LIMK1: variants seen among roughly 807,000 people sequenced by gnomAD.
LIMK1 encodes the protein LIM motif-containing protein kinase.
LIMK1 carries 21 observed loss-of-function variants against 77.6 expected under a neutral mutation model. The ratio of observed to expected loss-of-function variants is 0.27; its 90% confidence interval spans 0.19 to 0.39. The LOEUF is 0.39. LIMK1 is among the 10% of genes least tolerant of loss of function. LIMK1 has a pLI of 1.00. For synonymous variants in LIMK1, 358 were observed against 370.0 expected (o/e 0.97, Z 0.37); for missense variants, 696 against 901.6 (o/e 0.77, Z 2.92).
rs116341069 is a variant in LIMK1 at position 74,097,072 on chromosome 7, C to T, written c.292-8C>T. ...AGCTGGGCTGTTCCCTCCTCACCCC[C>T]GCACCAGGTGGCTGGGGAGCTGAAG... On this transcript the variant is annotated splice_region_variant and splice_polypyrimidine_tract_variant and intron_variant, in intron 3 of 15. Transcript: ENST00000336180. The T allele has an allele frequency of 8.7e-6, 14 of 1,600,786 alleles. No individual in the cohort carries two copies. The highest frequency in any genetic ancestry group is 2.2e-5 in the East Asian group (1 of 44,806).
chr7:74,091,602 G>A (rs1554694796), intron 2 of LIMK1, among the ~76,000 whole-genome samples: 1 of 152,204 alleles, frequency 6.6e-6, no homozygotes, highest in African/African-American at 2.4e-5. Flanking sequence ...GTAGAATCAG[G>A]ACTCGAACCG....
At position 74,099,019 on chromosome 7, in the gene LIMK1, G is replaced by T; in HGVS notation, c.402-13G>T. The T allele has an allele frequency of 6.3e-7, 1 of 1,598,952 alleles. No homozygotes were observed. The highest frequency in any genetic ancestry group is 1.1e-5 in the South Asian group (1 of 90,806). On this transcript the variant is annotated splice_polypyrimidine_tract_variant and intron_variant, in intron 4 of 15. Coordinates refer to ENST00000336180, the MANE Select transcript of LIMK1 (RefSeq NM_002314.4). ...TTGACACTCTTTTCTTCCCACCCCG[G>T]CGGCTCTTGCAGCGGGCACTGCTAC...
At chr7:74,117,637 T>C (rs1395148017) in intron 13 of LIMK1, among the ~76,000 whole-genome samples, 1 of 152,094 alleles carries the variant, frequency 6.6e-6, no homozygotes, top group African/African-American at 2.4e-5. Context: ...CACCTCATCA[T>C]AGTTAACCTA....
At chr7:74,096,523 T>C in intron 2 of LIMK1, 99 bp from the exon 3 acceptor site, 3 of 1,494,432 alleles carry the variant, frequency 2.0e-6, no homozygotes, top group South Asian at 1.2e-5. Context: ...AAAGAAAACT[T>C]GTTCTAATTC....
intron 5 of LIMK1, among the ~76,000 whole-genome samples, chr7:74,105,224 G>T (rs377433975): frequency 5.9e-5 from 9 of 152,184 alleles, no homozygotes; most frequent in African/African-American, 2.2e-4. Flanking sequence ...CAACTGTTGG[G>T]ATTACAGGTG....
intron 2 of LIMK1, among the ~76,000 whole-genome samples, chr7:74,087,823 C>G (rs1040422573): frequency 3.3e-5 from 5 of 152,172 alleles, no homozygotes; most frequent in African/African-American, 1.2e-4. Flanking sequence ...CTCCTGACCT[C>G]AAGTGATCTG....
intron 12 of LIMK1, among the ~76,000 whole-genome samples, chr7:74,114,342 G>A (rs1799763923): frequency 6.6e-6 from 1 of 151,594 alleles, no homozygotes; most frequent in Admixed American, 6.6e-5. Context: ...AGGAGTTTGA[G>A]ACCAGCCAGG....
chr7:74,085,171 G>A (rs1799111294), intron 1 of LIMK1, among the ~76,000 whole-genome samples: 1 of 152,184 alleles, frequency 6.6e-6, no homozygotes, highest in African/African-American at 2.4e-5. Flanking sequence ...AGGCCTCCCT[G>A]GGACAGGTGT....
chr7:74,100,989 G>A (rs1414243330), intron 5 of LIMK1, among the ~76,000 whole-genome samples: 6 of 151,778 alleles, frequency 4.0e-5, no homozygotes, highest in Non-Finnish European at 7.4e-5. Flanking sequence ...CGCCCGTCTC[G>A]GCCTCCCAAA....
chr7:74,109,074 G>T, intron 10 of LIMK1, 38 bp downstream of exon 10: 2 of 1,530,632 alleles, frequency 1.3e-6, no homozygotes, highest in Non-Finnish European at 8.9e-7. Flanking sequence ...CCGCTGTGCG[G>T]CCCCGGGCAA....
chr7:74,115,888 G>A lies in LIMK1; in HGVS notation c.1497G>A (p.Lys499=). 1 of 1,614,122 alleles carries A rather than the reference G, an allele frequency of 6.2e-7. No homozygotes were observed. The highest frequency in any genetic ancestry group is 8.5e-7 in the Non-Finnish European group (1 of 1,179,958). The change falls in exon 13 of 16, where the codon AAG becomes AAA. Residue 499 remains lysine, a synonymous_variant. Transcript: ENST00000336180. ...AGCCTGAGGGCCTGCGGAGCCTCAA[G>A]AAGCCAGACCGCAAGAAGCGCTACA... ...KTQPEGLRSL[K]KPDRKKRYTV...
chr7:74,114,426 C>T (rs538289717), intron 12 of LIMK1, among the ~76,000 whole-genome samples: 1 of 151,682 alleles, frequency 6.6e-6, no homozygotes, highest in Non-Finnish European at 1.5e-5. Context: ...TGGTGAGTAT[C>T]TATAGTACCA....
chr7:74,102,484 C>CTTTTTTTTTTTGTTTTTTTTTTTTTT (rs1799483081), intron 5 of LIMK1, among the ~76,000 whole-genome samples: 1 of 54,042 alleles, frequency 1.9e-5, no homozygotes, highest in Non-Finnish European at 3.5e-5. Context: ...AGGACCTTCT[C>CTTTTTTTTTTTGTTTTTTTTTTTTTT]TTTTTTTTTT....
At chr7:74,096,165 A>G (rs565300073) in intron 2 of LIMK1, among the ~76,000 whole-genome samples, 2 of 151,048 alleles carry the variant, frequency 1.3e-5, no homozygotes, top group South Asian at 2.1e-4. Context: ...GGGTTTTGCC[A>G]TGTTGGCCAG....
At chr7:74,089,761 G>A (rs1262776418) in intron 2 of LIMK1, among the ~76,000 whole-genome samples, 1 of 152,096 alleles carries the variant, frequency 6.6e-6, no homozygotes, top group Non-Finnish European at 1.5e-5. Flanking sequence ...GAGTCCAGTT[G>A]GAGGTAGGAA....
chr7:74,106,994 C>T lies in LIMK1; in HGVS notation c.882-16C>T, dbSNP rs1554697677. 7.1e-6 allele frequency: 11 copies of T among 1,557,008 alleles called. No homozygotes were observed. The highest frequency in any genetic ancestry group is 9.6e-6 in the Non-Finnish European group (11 of 1,151,328). On this transcript the variant is annotated splice_polypyrimidine_tract_variant and intron_variant, in intron 7 of 15. Transcript: ENST00000336180. ...CCTGTCCCCCGGTGGCACTTGGCAC[C>T]ATGTGTGCCCCCCAGGAGGAGCTGC...
chr7:74,120,985 C>G lies in LIMK1; in HGVS notation c.1717C>G (p.Pro573Ala), dbSNP rs782606961. The change falls in exon 15 of 16, where the codon CCA becomes GCA. Residue 573 changes from proline (P) to alanine (A), a missense_variant. Pro to Ala is a conservative substitution (Grantham distance 27). Around this residue, in one of 3 missense-constraint regions of LIMK1, gnomAD observed 438 missense variants for 602.3 expected, o/e 0.73. Transcript: ENST00000336180. ...AGGATTCCTGGACCGCTACTGCCCCCCAAACTGCCCCCCGAGCTTCTTCCC... is the reference window on the plus strand; with the variant it reads ...AGGATTCCTGGACCGCTACTGCCCCGCAAACTGCCCCCCGAGCTTCTTCCC... ...VRGFLDRYCP[P>A]NCPPSFFPIT... The G allele has an allele frequency of 5.0e-6, 8 of 1,611,854 alleles. No homozygotes were observed. The highest frequency in any genetic ancestry group is 2.2e-5 in the South Asian group (2 of 90,908).
chr7:74,086,174 T>C (rs1216526409), intron 2 of LIMK1, among the ~76,000 whole-genome samples: 1 of 151,594 alleles, frequency 6.6e-6, no homozygotes, highest in East Asian at 1.9e-4. Flanking sequence ...GCCTCTGGAG[T>C]AGCTGGGATT....
chr7:74,089,083 C>G (rs1799190383), intron 2 of LIMK1, among the ~76,000 whole-genome samples: 1 of 152,180 alleles, frequency 6.6e-6, no homozygotes, highest in African/African-American at 2.4e-5. Context: ...AAATCTTCAT[C>G]ATAACTCTAT....
Sources: gnomAD v4.1 joint callset for allele counts (sites outside exome capture counted in the v4.1 genomes callset) on GRCh38, gnomAD v4.1.1 for gene constraint, gnomAD v4.1.1 regional missense constraint, MANE v1.5 for transcripts, NCBI Gene and HGNC (gene_info 2026-07-23, HGNC 2026-07-21) for gene names.